Variants in QRICH2 observed in about 807,000 individuals in gnomAD.
QRICH2 encodes glutamine-rich protein 2.
A neutral mutation model predicts 168.3 loss-of-function variants in QRICH2; 119 were observed. The ratio of observed to expected loss-of-function variants is 0.71; its 90% CI spans 0.61 to 0.82. The LOEUF is 0.82. Among genes scored for constraint, QRICH2 ranks in the 40% least tolerant of loss-of-function variants. The probability of loss-of-function intolerance (pLI) is 0.00; values close to 1 mark genes in which losing one functional copy is unlikely to be tolerated. For synonymous variants in QRICH2, 894 were observed against 951.2 expected (o/e 0.94, Z 1.11); for missense variants, 2,241 against 2,491.6 (o/e 0.90, Z 2.14).
Position 76,293,625 on chromosome 17 carries a change from A to T in QRICH2, c.1102T>A (p.Leu368Met). ...ACACTACTGGGCTGGTCTCTGGCCAAGGGTAAGTCCTGTTGAACTGGACCA... is the reference window on the plus strand; with the variant it reads ...ACACTACTGGGCTGGTCTCTGGCCATGGGTAAGTCCTGTTGAACTGGACCA... ...RPGPVQQDLPLARDQPSSVPA... is the reference protein window; with the variant it reads ...RPGPVQQDLPMARDQPSSVPA... Residue 368 changes from leucine to methionine, a missense_variant, in exon 4 of 19, where the codon TTG becomes ATG. By Grantham distance (15) the Leu-to-Met change is conservative (BLOSUM62 2). This residue lies in a region of QRICH2 where 2,047 missense variants were observed against 2,303.8 expected (regional missense o/e 0.89). Coordinates refer to ENST00000680821, the MANE Select transcript of QRICH2 (RefSeq NM_001388453.1). The T allele has an allele frequency of 6.2e-7, 1 of 1,614,116 alleles. No individual in the cohort carries two copies. The highest frequency in any genetic ancestry group is 1.3e-5 in the African/African-American group (1 of 75,016).
chr17:76,297,057 T>G (rs1358373604), intron 3 of QRICH2, among the ~76,000 whole-genome samples: 45 of 152,198 alleles, frequency 3.0e-4, no homozygotes, highest in Admixed American at 2.9e-3. Context: ...CTCAGAAAAG[T>G]GTTGCCTCAG....
intron 12 of QRICH2, among the ~76,000 whole-genome samples, chr17:76,279,734 C>T (rs1408832213): frequency 1.3e-5 from 2 of 152,190 alleles, no homozygotes; most frequent in Non-Finnish European, 2.9e-5. Context: ...GGCCAGGCCC[C>T]CAGGAGCTGT....
Position 76,287,846 on chromosome 17 carries a change from TC to T in QRICH2, c.3849del (p.Lys1284ArgfsTer3), listed in dbSNP as rs771163242. 1 of 1,614,132 alleles carries T rather than the reference TC, an allele frequency of 6.2e-7. No homozygotes were observed. The highest frequency in any genetic ancestry group is 1.1e-5 in the South Asian group (1 of 91,076). On this transcript the variant is annotated frameshift_variant, in exon 6 of 19. Transcript: ENST00000680821. LOFTEE classifies it high-confidence loss of function. The stretch of plus-strand genomic sequence containing the variant: ...CTCAGCTCTCCAGCTTTCAGTTCCT[TC>T]CCTGCTTCTTGATTCCCTTCCCCTT... ...ILEGEGNQEA[G>X]KELKAGELRL... is the part of the protein sequence containing the mutation.
chr17:76,275,831 C>G lies in QRICH2; in HGVS notation c.5470G>C (p.Gly1824Arg). 1 of 1,606,344 alleles carries G rather than the reference C, an allele frequency of 6.2e-7. No homozygotes were observed. The highest frequency in any genetic ancestry group is 8.5e-7 in the Non-Finnish European group (1 of 1,179,802). Residue 1824 changes from glycine to arginine, a missense_variant, in exon 18 of 19, where the codon GGC becomes CGC. Gly to Arg is a moderately radical substitution (Grantham distance 125). This residue lies in a region of QRICH2 where 189 missense variants were observed against 169.3 expected (regional missense o/e 1.12). Coordinates refer to ENST00000680821, the MANE Select transcript of QRICH2 (RefSeq NM_001388453.1). ...SRPQSAQISA[G>R]NTSVSSRQQK... is the part of the protein sequence containing the mutation. ...AGAGGGAAGCTACCTGAGGTGTTGC[C>G]AGCCGAAATCTGGGCGCTCTGTGGC...
rs1190255535 is a variant in QRICH2, at chr17:76,307,280, G to C, written c.534+185C>G. Among the ~76,000 whole-genome samples, 1 of 152,056 alleles carries C rather than the reference G, an allele frequency of 6.6e-6. No individual in the cohort carries two copies. Among genetic ancestry groups the C allele is most frequent in the Non-Finnish European group, 1.5e-5 (1 of 67,978 alleles). The stretch of plus-strand genomic sequence containing the variant: ...GATTTTCACGTCTTGCAGCCCCGTG[G>C]ACTGCAAGGTAGAGCATGGGCCACT... On this transcript the variant is annotated intron_variant, in intron 1 of 18. Transcript: ENST00000680821. This position sits in a 1 kb window ranked among gnomAD's most constrained non-coding sequence, Gnocchi z 5.3.
intron 3 of QRICH2, among the ~76,000 whole-genome samples, chr17:76,296,171 C>G (rs753578558): frequency 6.6e-6 from 1 of 151,542 alleles, no homozygotes; most frequent in African/African-American, 2.4e-5. Context: ...TGCAGTGAGC[C>G]GAGATAGCAC....
rs756025410 is a variant in QRICH2, at chr17:76,275,929, C to T, written c.5372G>A (p.Arg1791His). 3.4e-5 allele frequency: 55 copies of T among 1,608,222 alleles called. No individual in the cohort carries two copies. The highest frequency in any genetic ancestry group is 1.7e-4 in the Middle Eastern group (1 of 5,722). Residue 1791 changes from arginine to histidine, a missense_variant, in exon 18 of 19, where the codon CGC becomes CAC. By Grantham distance (29) the Arg-to-His change is conservative. Coordinates refer to ENST00000680821, the MANE Select transcript of QRICH2 (RefSeq NM_001388453.1). ...GTGGGGCCTGGGCTGCTGGGACTTG[C>T]GCTTTGAGGTCCCTGAGCCTGATGG... ...LRKDSSGTSKRKSQQPRPHVH... is the reference protein window; with the variant it reads ...LRKDSSGTSKHKSQQPRPHVH...
At chr17:76,277,489 G>A (rs1176020316) in intron 15 of QRICH2, among the ~76,000 whole-genome samples, 179 bp from the exon 16 acceptor site, 1 of 151,984 alleles carries the variant, frequency 6.6e-6, no homozygotes, top group Non-Finnish European at 1.5e-5. Context: ...GTGAGGCCGG[G>A]CCACCCCAGT....
chr17:76,287,911 G>C lies in QRICH2; in HGVS notation c.3799-14C>G, dbSNP rs2070919933. ...CAGCCTTTCCACCTACAAACCCAGT[G>C]AATGAGGAGGGTCAGGCAGGCCTGA... On this transcript the variant is annotated splice_polypyrimidine_tract_variant and intron_variant, in intron 5 of 18. Coordinates refer to ENST00000680821, the MANE Select transcript of QRICH2 (RefSeq NM_001388453.1). 3.1e-6 allele frequency: 5 copies of C among 1,605,582 alleles called. No individual in the cohort carries two copies. The highest frequency in any genetic ancestry group is 4.3e-6 in the Non-Finnish European group (5 of 1,172,454).
chr17:76,298,181 A>ATTTTTTT (rs1244588706), intron 3 of QRICH2, among the ~76,000 whole-genome samples: 3 of 84,260 alleles, frequency 3.6e-5, no homozygotes, highest in African/African-American at 5.4e-5. Flanking sequence ...TTTCTGGCTA[A>ATTTTTTT]TTTTTTTTTT....
chr17:76,299,988 G>T (rs1026628163), intron 3 of QRICH2, among the ~76,000 whole-genome samples: 2 of 151,680 alleles, frequency 1.3e-5, no homozygotes, highest in Non-Finnish European at 2.9e-5. Flanking sequence ...ACACCACCAC[G>T]CCCAGCTAAC....
chr17:76,291,479 G>A lies in QRICH2; in HGVS notation c.3248C>T (p.Pro1083Leu), dbSNP rs1398391439. Reference sequence around the variant, plus strand: ...TGGGTATACCTGGTCATGCTCACCTGGGCCAGGTGATGCCACATGCTGTTG... The same window carrying A: ...TGGGTATACCTGGTCATGCTCACCTAGGCCAGGTGATGCCACATGCTGTTG... The part of the protein sequence containing the change: ...PDQQHVASPG[P>L]GEHDQVYPDA... The change falls in exon 4 of 19, where the codon CCA (proline) becomes CTA (leucine). Residue 1083 changes from proline to leucine, a missense_variant. This residue lies in a region of QRICH2 where 2,047 missense variants were observed against 2,303.8 expected (regional missense o/e 0.89). Transcript: ENST00000680821. 1 of 1,613,994 alleles carries A rather than the reference G, an allele frequency of 6.2e-7. No individual in the cohort carries two copies. Among genetic ancestry groups the A allele is most frequent in the African/African-American group, 1.3e-5 (1 of 74,906 alleles).
At chr17:76,286,495 C>T (rs1166291991) in intron 7 of QRICH2, among the ~76,000 whole-genome samples, 1 of 152,142 alleles carries the variant, frequency 6.6e-6, no homozygotes. Context: ...GGCTGAGGGA[C>T]AGAAGGGAAC....
intron 2 of QRICH2, 71 bp downstream of exon 2, chr17:76,304,811 G>A: frequency 9.1e-7 from 1 of 1,104,966 alleles, no homozygotes; most frequent in South Asian, 1.2e-5. Context: ...GACAAGCCCT[G>A]GAGAGAGGGC....
rs766857340 is a variant in QRICH2 at position 76,276,688 on chromosome 17, C to T, written c.5345G>A (p.Arg1782Gln). 77 of 1,613,654 alleles carry T rather than the reference C, an allele frequency of 4.8e-5. No individual in the cohort carries two copies. In the East Asian group the frequency reaches 1.5e-3, roughly 32 times the overall value. ...RMDTRLPGIL[R>Q]KDSSGTSKRK... ...CTCTGGACTCCACTCACTGTCTTTT[C>T]GGAGGATGCCTGGCAGCCTTGTGTC... Residue 1782 changes from arginine to glutamine, a missense_variant, in exon 17 of 19, where the codon CGA becomes CAA. This residue lies in a region of QRICH2 where 189 missense variants were observed against 169.3 expected (regional missense o/e 1.12). Transcript: ENST00000680821.
intron 3 of QRICH2, among the ~76,000 whole-genome samples, chr17:76,302,837 C>T (rs2070927823): frequency 6.6e-6 from 1 of 152,034 alleles, no homozygotes; most frequent in Non-Finnish European, 1.5e-5. Flanking sequence ...CCTTTTTCCT[C>T]CCGAGGCACT....
chr17:76,279,293 TG>T, intron 13 of QRICH2, 69 bp downstream of exon 13: 4 of 1,412,562 alleles, frequency 2.8e-6, no homozygotes, highest in African/African-American at 1.4e-5. Context: ...AGAGGACAGG[TG>T]GACACAGGTG....
chr17:76,285,411 C>T (rs1321254632), intron 7 of QRICH2, among the ~76,000 whole-genome samples: 3 of 151,642 alleles, frequency 2.0e-5, no homozygotes, highest in Admixed American at 1.3e-4. Flanking sequence ...GGATTACAGG[C>T]GTGAGCCACC....
At chr17:76,274,383 G>T in intron 18 of QRICH2, 123 bp from the exon 19 acceptor site, 1 of 1,061,510 alleles carries the variant, frequency 9.4e-7, no homozygotes, top group Non-Finnish European at 1.3e-6. Flanking sequence ...GCTGACACAG[G>T]CTGGAGGGGA....
Sources: gnomAD v4.1 joint callset for allele counts (sites outside exome capture counted in the v4.1 genomes callset) on GRCh38, gnomAD v4.1.1 for gene constraint, gnomAD v4.1.1 regional missense constraint, Gnocchi (gnomAD v3.1) non-coding constraint, MANE v1.5 for transcripts, NCBI Gene and HGNC (gene_info 2026-07-23, HGNC 2026-07-21) for gene names.